Variants in PFAS observed in about 807,000 individuals in gnomAD.
PFAS encodes FGAM synthase.
PFAS carries 97 observed loss-of-function variants against 140.6 expected under a neutral mutation model. The ratio of observed to expected loss-of-function variants is 0.69; its 90% CI spans 0.59 to 0.82. The LOEUF is 0.82. Ranked by LOEUF, PFAS falls within the 40% of genes least tolerant of loss-of-function variation. The pLI, the probability that PFAS is intolerant of heterozygous loss-of-function variation, is 0.00. For missense variants in PFAS, 1,656 were observed against 1,780.2 expected (o/e 0.93, Z 1.26); for synonymous variants, 679 against 718.8 (o/e 0.94, Z 0.88).
chr17:8,251,304 C>T (rs1048879699), intron 1 of PFAS, among the ~76,000 whole-genome samples: 16 of 151,444 alleles, frequency 1.1e-4, no homozygotes, highest in Admixed American at 2.0e-4. Flanking sequence ...AAAAGAAAGA[C>T]GGGGTCTTGC....
chr17:8,249,074 T>C (rs547682543), upstream of PFAS, among the ~76,000 whole-genome samples: 1 of 152,226 alleles, frequency 6.6e-6, no homozygotes, highest in South Asian at 2.1e-4. Context: ...CTAACTGATG[T>C]CATTACTTAA....
Position 8,254,222 on chromosome 17 carries a change from C to T in PFAS, c.199C>T (p.Pro67Ser). ...TKKLMWLFGC[P>S]LLLDDVARES... The stretch of plus-strand genomic sequence containing the variant: ...GAAGCTGATGTGGCTGTTTGGTTGC[C>T]CCTTACTGCTGGATGATGTTGCTCG... Residue 67 changes from proline (P) to serine (S), a missense_variant, in exon 3 of 28, where the codon CCC becomes TCC. By Grantham distance (74) the Pro-to-Ser change is moderately conservative. Coordinates refer to ENST00000314666, the MANE Select transcript of PFAS (RefSeq NM_012393.3). 6.2e-7 allele frequency: 1 copy of T among 1,614,124 alleles called. No individual in the cohort carries two copies. The highest frequency in any genetic ancestry group is 8.5e-7 in the Non-Finnish European group (1 of 1,180,014).
chr17:8,268,892 G>GT (rs2151598895), intron 27 of PFAS, 36 bp downstream of exon 27: 4 of 1,611,972 alleles, frequency 2.5e-6, no homozygotes, highest in Non-Finnish European at 2.5e-6. Flanking sequence ...GGGCCCGAGG[G>GT]TTGGGGGCAA....
Position 8,266,399 on chromosome 17 carries a change from C to T in PFAS, c.2821+46C>T, listed in dbSNP as rs1416590936. On this transcript the variant is annotated intron_variant, in intron 22 of 27. Transcript: ENST00000314666. This position sits in a 1 kb window ranked among gnomAD's most constrained non-coding sequence, Gnocchi z 5.0. Reference sequence around the variant, plus strand: ...TCTCAGGCCCGGGCTGCCTTCTCTACCCTGCAGACCCCATTTCCAATATAT... The same window carrying T: ...TCTCAGGCCCGGGCTGCCTTCTCTATCCTGCAGACCCCATTTCCAATATAT... The T allele has an allele frequency of 6.2e-7, 1 of 1,610,088 alleles. No individual in the cohort carries two copies. Among genetic ancestry groups the T allele is most frequent in the East Asian group, 2.2e-5 (1 of 44,872 alleles).
At chr17:8,268,409 G>A (rs889467059) in intron 26 of PFAS, 124 bp from the exon 27 acceptor site, 3 of 649,044 alleles carry the variant, frequency 4.6e-6, no homozygotes, top group African/African-American at 3.7e-5. Flanking sequence ...AAGGAAGGAA[G>A]GAGGGAGGGA....
upstream of PFAS, chr17:8,248,019 G>A (rs377706974): frequency 3.7e-6 from 6 of 1,607,060 alleles, no homozygotes; most frequent in South Asian, 2.2e-5. Context: ...AAGGGACCTG[G>A]GCCCGGCCAG....
rs1989863870 is a variant in PFAS, at chr17:8,267,425, C to CGGGAGAT, written c.3232_3238dup (p.Ala1080GlyfsTer12). On this transcript the variant is annotated frameshift_variant, in exon 25 of 28. Coordinates refer to ENST00000314666, the MANE Select transcript of PFAS (RefSeq NM_012393.3). LOFTEE classifies it high-confidence loss of function. This position sits in a 1 kb window ranked among gnomAD's most constrained non-coding sequence, Gnocchi z 4.9. Reference sequence around the variant, plus strand: ...GCGAGAGGAGGGCAGTAATGGAGACCGGGAGATGGCCGATGCCTTCCACTT... The same window carrying CGGGAGAT: ...GCGAGAGGAGGGCAGTAATGGAGACCGGGAGATGGGAGATGGCCGATGCCTTCCACTT... 6.2e-7 allele frequency: 1 copy of CGGGAGAT among 1,614,098 alleles called. No homozygotes were observed. Among genetic ancestry groups the CGGGAGAT allele is most frequent in the Non-Finnish European group, 8.5e-7 (1 of 1,179,994 alleles).
Position 8,269,083 on chromosome 17 carries a change from G to C in PFAS, c.3836G>C (p.Gly1279Ala). 6.2e-7 allele frequency: 1 copy of C among 1,614,194 alleles called. No homozygotes were observed. The highest frequency in any genetic ancestry group is 8.5e-7 in the Non-Finnish European group (1 of 1,180,024). ...QYPLNPNGSP[G>A]GVAGICSCDG... ...CCTCTGAATCCCAATGGGTCCCCAG[G>C]GGGCGTGGCTGGCATCTGCTCCTGT... The change falls in exon 28 of 28, where the codon GGG (glycine) becomes GCG (alanine). Residue 1279 changes from glycine (G) to alanine (A), a missense_variant. Physicochemically the swap from Gly to Ala is moderately conservative, Grantham distance 60. Transcript: ENST00000314666.
intron 1 of PFAS, 31 bp from the exon 2 acceptor site, chr17:8,253,828 C>T (rs1989251498): frequency 6.9e-7 from 1 of 1,446,538 alleles, no homozygotes; most frequent in Admixed American, 2.6e-5. Flanking sequence ...TGTGAGCCAC[C>T]ACGCCCGGCT....
chr17:8,256,627 G>A lies in PFAS; in HGVS notation c.925G>A (p.Glu309Lys). 3.1e-6 allele frequency: 5 copies of A among 1,614,138 alleles called. No individual in the cohort carries two copies. The highest frequency in any genetic ancestry group is 4.2e-6 in the Non-Finnish European group (5 of 1,180,012). Residue 309 changes from glutamate to lysine, a missense_variant, in exon 8 of 28, where the codon GAG becomes AAG. Glu to Lys is a moderately conservative substitution (Grantham distance 56). Around this residue, in one of 2 missense-constraint regions of PFAS, gnomAD observed 773 missense variants for 757.3 expected, o/e 1.02. Transcript: ENST00000314666. ...GCTGAGACATGTTGTCTTCACAGCA[G>A]AGACTCACAACTTTCCCACAGGTGA... ...QGLRHVVFTA[E>K]THNFPTGVCP...
upstream of PFAS, chr17:8,248,019 G>T (rs377706974): frequency 1.2e-6 from 2 of 1,606,952 alleles, no homozygotes; most frequent in Non-Finnish European, 1.7e-6. Context: ...AAGGGACCTG[G>T]GCCCGGCCAG....
At position 8,255,121 on chromosome 17, in the gene PFAS, T is replaced by C; in HGVS notation, c.373T>C (p.Tyr125His). The change falls in exon 4 of 28, where the codon TAC becomes CAC. Residue 125 changes from tyrosine to histidine, a missense_variant. Tyr to His is a moderately conservative substitution (Grantham distance 83, BLOSUM62 2). This residue lies in a region of PFAS where 773 missense variants were observed against 757.3 expected (regional missense o/e 1.02). Coordinates refer to ENST00000314666, the MANE Select transcript of PFAS (RefSeq NM_012393.3). ...PVDRVETTRRYRLSFAHPPSA... is the reference protein window; with the variant it reads ...PVDRVETTRRHRLSFAHPPSA... ...GGATCGTGTGGAGACCACCCGGCGC[T>C]ACCGGCTCTCGGTGAGGTGATGGGG... 3 of 1,609,702 alleles carry C rather than the reference T, an allele frequency of 1.9e-6. No homozygotes were observed. Among genetic ancestry groups the C allele is most frequent in the Non-Finnish European group, 1.7e-6 (2 of 1,176,758 alleles).
upstream of PFAS, among the ~76,000 whole-genome samples, chr17:8,248,890 G>A (rs1567630318): frequency 6.6e-6 from 1 of 152,138 alleles, no homozygotes; most frequent in Non-Finnish European, 1.5e-5. Context: ...ATCCTGTCCG[G>A]CATCCCGCAG....
In PFAS at chr17:8,264,886, G is replaced by C. The variant is rs762959124; in HGVS notation, c.2050-9G>C. On this transcript the variant is annotated splice_polypyrimidine_tract_variant and intron_variant, in intron 17 of 27. Transcript: ENST00000314666. ...CTTGCTCTCTTGCTAACCCCACCTGGTTCCACAGGTGGACCGCTCTGTGGG... is the reference window on the plus strand; with the variant it reads ...CTTGCTCTCTTGCTAACCCCACCTGCTTCCACAGGTGGACCGCTCTGTGGG... The C allele has an allele frequency of 2.0e-6, 3 of 1,538,032 alleles. No homozygotes were observed. Among genetic ancestry groups the C allele is most frequent in the Non-Finnish European group, 2.7e-6 (3 of 1,131,154 alleles).
rs1428065403 is a variant in PFAS, at chr17:8,266,002, CAG to C, written c.2687_2688del (p.Gln896ArgfsTer16). 11 of 1,609,038 alleles carry C rather than the reference CAG, an allele frequency of 6.8e-6. No individual in the cohort carries two copies. The highest frequency in any genetic ancestry group is 1.1e-5 in the South Asian group (1 of 90,382). On this transcript the variant is annotated frameshift_variant, in exon 21 of 28. Coordinates refer to ENST00000314666, the MANE Select transcript of PFAS (RefSeq NM_012393.3). LOFTEE classifies it high-confidence loss of function. The surrounding 1 kb of genome is among the most constrained non-coding windows in gnomAD (Gnocchi z 5.0). ...CTTGGTGCGGGCCTTCAGCATCACT[CAG>C]GGGCTGCTGAAAGGTGAGTGAAGAC... ...ENLVRAFSITQGLLKDRLLCS... is the reference protein window; with the variant it reads ...ENLVRAFSITXGLLKDRLLCS...
At position 8,265,143 on chromosome 17, in the gene PFAS, T is replaced by C; in HGVS notation, c.2280+18T>C. Reference sequence around the variant, plus strand: ...ACCTCCGGGTGAGTTCTCCCACAGCTTCTATCCTGGAGCCCCCGGGCTTCA... The same window carrying C: ...ACCTCCGGGTGAGTTCTCCCACAGCCTCTATCCTGGAGCCCCCGGGCTTCA... On this transcript the variant is annotated intron_variant, in intron 18 of 27. Coordinates refer to ENST00000314666, the MANE Select transcript of PFAS (RefSeq NM_012393.3). 2 of 1,601,668 alleles carry C rather than the reference T, an allele frequency of 1.2e-6. No individual in the cohort carries two copies. Among genetic ancestry groups the C allele is most frequent in the Non-Finnish European group, 1.7e-6 (2 of 1,171,276 alleles).
chr17:8,254,594 G>T (rs933493704), intron 3 of PFAS, among the ~76,000 whole-genome samples: 6 of 152,188 alleles, frequency 3.9e-5, no homozygotes, highest in Non-Finnish European at 8.8e-5. Context: ...CACGAGATCA[G>T]GAGATTGAGA....
intron 9 of PFAS, 47 bp downstream of exon 9, chr17:8,257,010 T>C (rs1275867850): frequency 1.2e-6 from 2 of 1,606,378 alleles, no homozygotes. Flanking sequence ...AGATTCCTTG[T>C]CCTGGCAGGC....
Position 8,270,449 on chromosome 17 carries a change from C to T in PFAS, c.*1185C>T, listed in dbSNP as rs1132554. 0.48 allele frequency: 72,773 copies of T among 152,044 alleles called. 17,766 individuals are homozygous for T. Among genetic ancestry groups the T allele is most frequent in the Non-Finnish European group, 0.53 (36,200 of 67,980 alleles). The allele number at this position is 152,044 out of a possible 1,614,324, so 9.4% of individuals were successfully genotyped here. Reference sequence around the variant, plus strand: ...AAATTCAGCAAAGGACTTGATAGCCCCTCCCCGCCTTTTCAATAAAGGATG... The same window carrying T: ...AAATTCAGCAAAGGACTTGATAGCCTCTCCCCGCCTTTTCAATAAAGGATG... On this transcript the variant is annotated 3_prime_UTR_variant, in exon 28 of 28. Coordinates refer to ENST00000314666, the MANE Select transcript of PFAS (RefSeq NM_012393.3).
Sources: gnomAD v4.1 joint callset for allele counts (sites outside exome capture counted in the v4.1 genomes callset) on GRCh38, gnomAD v4.1.1 for gene constraint, gnomAD v4.1.1 regional missense constraint, Gnocchi (gnomAD v3.1) non-coding constraint, MANE v1.5 for transcripts, NCBI Gene and HGNC (gene_info 2026-07-23, HGNC 2026-07-21) for gene names.